The following HAUS6 variants were observed in gnomAD, a reference collection of about 807,000 sequenced individuals.
HAUS6 encodes HAUS augmin-like complex subunit 6.
A neutral mutation model predicts 106.8 loss-of-function variants in HAUS6; 80 were observed. The observed-to-expected ratio is 0.75, with a 90% CI of 0.63 to 0.90. The LOEUF is 0.90. Among genes scored for constraint, HAUS6 ranks in the 40% least tolerant of loss-of-function variants. The pLI, the probability that HAUS6 is intolerant of heterozygous loss-of-function variation, is 0.00. For synonymous variants in HAUS6, 356 were observed against 379.1 expected, an observed-to-expected ratio of 0.94 and a Z score of 0.71; for missense variants, 1,155 against 1,118.1, an observed-to-expected ratio of 1.03 and a Z score of -0.47.
At chr9:19,061,135 G>T (rs1349436347) in intron 14 of HAUS6, among the ~76,000 whole-genome samples, 2 of 152,182 alleles carry the variant, frequency 1.3e-5, no homozygotes, top group Admixed American at 6.5e-5. Flanking sequence ...TTGCACCCCA[G>T]CCTGGGCAAC....
chr9:19,092,454 A>G (rs1268207966), intron 4 of HAUS6, among the ~76,000 whole-genome samples: 2 of 151,684 alleles, frequency 1.3e-5, no homozygotes, highest in East Asian at 3.9e-4. Context: ...CATCTCTACT[A>G]AAAATACAAA....
At chr9:19,093,558 A>C (rs1204522645) in intron 3 of HAUS6, among the ~76,000 whole-genome samples, 2 of 152,174 alleles carry the variant, frequency 1.3e-5, no homozygotes, top group South Asian at 4.1e-4. Context: ...TCATCACACT[A>C]TTTTTGAAGC....
chr9:19,065,624 T>C lies in HAUS6; in HGVS notation c.1377-2044A>G, dbSNP rs1314563782. The stretch of plus-strand genomic sequence containing the variant: ...GGGAGGCTGAGGCAAGCGGATCACC[T>C]GAGGTCAGGAGTTGAAGACCAGCCT... On this transcript the variant is annotated intron_variant, in intron 12 of 16. Transcript: ENST00000380502. Among the ~76,000 whole-genome samples, 4 of 152,182 alleles carry C rather than the reference T, an allele frequency of 2.6e-5. No homozygotes were observed. In the East Asian group the frequency reaches 7.7e-4, roughly 29 times the overall value.
chr9:19,080,414 A>G, intron 9 of HAUS6, 65 bp downstream of exon 9: 1 of 984,578 alleles, frequency 1.0e-6, no homozygotes, highest in Admixed American at 2.0e-5. Context: ...TTAAACTTAT[A>G]CAAGTTTTGT....
rs545213274 is a variant in HAUS6, at chr9:19,057,849, G to A, written c.2806+112C>T. ...ATTCCCCTCATCCTAAATGAAGGAA[G>A]GGGGAGCACATTAACAATAAAGGTC... On this transcript the variant is annotated intron_variant, in intron 16 of 16. Coordinates refer to ENST00000380502, the MANE Select transcript of HAUS6 (RefSeq NM_017645.5). 1.4e-5 allele frequency: 9 copies of A among 629,384 alleles called. No homozygotes were observed. The South Asian group carries it at 1.9e-4, about 13-fold the overall frequency. The allele number at this position is 629,384 out of a possible 1,614,324, so 39.0% of individuals were successfully genotyped here.
chr9:19,101,374 C>T (rs1392354668), intron 1 of HAUS6, among the ~76,000 whole-genome samples: 1 of 150,918 alleles, frequency 6.6e-6, no homozygotes, highest in Non-Finnish European at 1.5e-5. Context: ...ACCTGTAGTC[C>T]CAGCTACTCA....
intron 14 of HAUS6, 61 bp downstream of exon 14, chr9:19,062,947 T>A: frequency 7.9e-7 from 1 of 1,267,734 alleles, no homozygotes; most frequent in Non-Finnish European, 1.1e-6. Context: ...ATTACAGACA[T>A]GGGCCACTGT....
At position 19,058,745 on chromosome 9, in the gene HAUS6, G is replaced by A; in HGVS notation, c.2022C>T (p.His674=). 6.2e-7 allele frequency: 1 copy of A among 1,614,048 alleles called. No homozygotes were observed. Among genetic ancestry groups the A allele is most frequent in the Non-Finnish European group, 8.5e-7 (1 of 1,179,988 alleles). ...GATTTTGTGTTGGTGGTTCATCTAT[G>A]TGACTGGTCAGCACATGTTTCTGAG... is the stretch of plus-strand genomic sequence containing the variant. ...CVPQKHVLTS[H]IDEPPTQNQS... Residue 674 remains histidine, a synonymous_variant, in exon 16 of 17, where the codon CAC becomes CAT. Coordinates refer to ENST00000380502, the MANE Select transcript of HAUS6 (RefSeq NM_017645.5).
chr9:19,094,459 CAAATTTTTT>C (rs1304048040), intron 2 of HAUS6, 64 bp from the exon 3 acceptor site: 2 of 938,876 alleles, frequency 2.1e-6, no homozygotes, highest in African/African-American at 3.4e-5. Flanking sequence ...AAAGCCTCAG[CAAATTTTTT>C]AAAAATCAAA....
At chr9:19,086,423 C>T (rs1331995356) in intron 7 of HAUS6, among the ~76,000 whole-genome samples, 1 of 152,090 alleles carries the variant, frequency 6.6e-6, no homozygotes, top group Non-Finnish European at 1.5e-5. Context: ...GAGTTCAAGA[C>T]CAGCCTGGCC....
In HAUS6 at chr9:19,058,947, G is replaced by A; in HGVS notation, c.1820C>T (p.Thr607Ile). The A allele has an allele frequency of 6.2e-7, 1 of 1,604,432 alleles. No individual in the cohort carries two copies. Among genetic ancestry groups the A allele is most frequent in the Non-Finnish European group, 8.5e-7 (1 of 1,171,702 alleles). ...AGCATCCATTTGAATTGGTTCTTTAGTTCTGTTTTCTTCCATTTCAATAGC... is the reference window on the plus strand; with the variant it reads ...AGCATCCATTTGAATTGGTTCTTTAATTCTGTTTTCTTCCATTTCAATAGC... ...RKAIEMEENR[T>I]KEPIQMDAEH... Residue 607 changes from threonine (T) to isoleucine (I), a missense_variant, in exon 16 of 17, where the codon ACT becomes ATT. Thr to Ile is a moderately conservative substitution (Grantham distance 89). This residue lies in a region of HAUS6 where 14 missense variants were observed against 33.2 expected (regional missense o/e 0.42). Transcript: ENST00000380502.
At chr9:19,085,206 T>A (rs1837260945) in intron 7 of HAUS6, among the ~76,000 whole-genome samples, 1 of 152,234 alleles carries the variant, frequency 6.6e-6, no homozygotes, top group African/African-American at 2.4e-5. Flanking sequence ...GTCCAGGATC[T>A]GGTTCTCATA....
In HAUS6 at chr9:19,055,894, T is replaced by C. The variant is rs1474948661; in HGVS notation, c.*449A>G. 6.5e-6 allele frequency: 1 copy of C among 153,144 alleles called. No individual in the cohort carries two copies. The highest frequency in any genetic ancestry group is 1.5e-5 in the Non-Finnish European group (1 of 68,706). 9.5% of individuals were successfully genotyped at this position (153,144 alleles called of 1,614,324 possible). ...TTTTCTGGTTAGCCAGAATGTTCCA[T>C]TAAGAAACAATAAAAGTTGTATAGT... On this transcript the variant is annotated 3_prime_UTR_variant, in exon 17 of 17. Transcript: ENST00000380502.
chr9:19,066,254 C>T (rs962161944), intron 12 of HAUS6, among the ~76,000 whole-genome samples: 2 of 151,530 alleles, frequency 1.3e-5, no homozygotes, highest in South Asian at 2.1e-4. Context: ...ATTTATATAT[C>T]GTGGTATACA....
At chr9:19,082,656 G>A (rs7869183) in intron 8 of HAUS6, among the ~76,000 whole-genome samples, 23,262 of 151,964 alleles carry the variant, frequency 0.15, 2,242 homozygotes, top group African/African-American at 0.28. Flanking sequence ...TGAGGCAGGA[G>A]AATCTCTTGA....
chr9:19,061,460 T>C (rs1779230710), intron 14 of HAUS6, among the ~76,000 whole-genome samples: 1 of 152,084 alleles, frequency 6.6e-6, no homozygotes, highest in African/African-American at 2.4e-5. Flanking sequence ...GTAGAGTCAA[T>C]GAAGAGAAAC....
At chr9:19,081,907 A>G (rs552582635) in intron 8 of HAUS6, among the ~76,000 whole-genome samples, 4 of 152,244 alleles carry the variant, frequency 2.6e-5, no homozygotes, top group Admixed American at 2.0e-4. Flanking sequence ...TCTACTAAAG[A>G]AGTGTCTCTC....
intron 14 of HAUS6, among the ~76,000 whole-genome samples, chr9:19,062,627 C>T (rs527533073): frequency 1.4e-4 from 21 of 152,220 alleles, no homozygotes; most frequent in African/African-American, 5.1e-4. Flanking sequence ...AACTGTATTT[C>T]GCTTAGGATC....
chr9:19,096,883 G>A (rs1390281990), intron 1 of HAUS6, 114 bp from the exon 2 acceptor site: 3 of 497,190 alleles, frequency 6.0e-6, no homozygotes, highest in African/African-American at 4.1e-5. Context: ...TCTTCAGGAA[G>A]TCAAGGCAAA....
Sources: gnomAD v4.1 joint callset for allele counts (sites outside exome capture counted in the v4.1 genomes callset) on GRCh38, gnomAD v4.1.1 for gene constraint, gnomAD v4.1.1 regional missense constraint, MANE v1.5 for transcripts, NCBI Gene and HGNC (gene_info 2026-07-23, HGNC 2026-07-21) for gene names.